The following USP45 variants were observed in gnomAD, a reference collection of about 807,000 sequenced individuals.
USP45 encodes ubiquitin carboxyl-terminal hydrolase 45.
Under a neutral mutation model 95.8 loss-of-function variants are expected in USP45, and 89 were observed. The observed-to-expected ratio is 0.93, with a 90% confidence interval of 0.78 to 1.11. The LOEUF (loss-of-function observed/expected upper bound fraction) is 1.11. Ranked by LOEUF, USP45 falls within the 50% of genes least tolerant of loss-of-function variation. The pLI is 0.00. For synonymous variants in USP45, 281 were observed against 316.2 expected, an observed-to-expected ratio of 0.89 and a Z score of 1.18; for missense variants, 898 against 942.5, an observed-to-expected ratio of 0.95 and a Z score of 0.62.
At chr6:99,496,573 G>C (rs1263421450) in intron 5 of USP45, among the ~76,000 whole-genome samples, 1 of 152,048 alleles carries the variant, frequency 6.6e-6, no homozygotes, top group Non-Finnish European at 1.5e-5. Flanking sequence ...TGAGCCAAAT[G>C]CATTGGTTTA....
rs1000898293 is a variant in USP45, at chr6:99,466,543, C to A, written c.1107+129G>T. The A allele has an allele frequency of 1.7e-5, 12 of 708,400 alleles. No homozygotes were observed. In the Admixed American group the frequency reaches 2.6e-4, roughly 15 times the overall value. The allele number at this position is 708,400 out of a possible 1,614,324, so 43.9% of individuals were successfully genotyped here. ...GGAGTGTAGCGTATAAAAAGACTTT[C>A]AAGAATCATTATGTAATCATCTGTC... is the stretch of plus-strand genomic sequence containing the variant. On this transcript the variant is annotated intron_variant, in intron 11 of 17. Coordinates refer to ENST00000500704, the MANE Select transcript of USP45 (RefSeq NM_001346022.3).
intron 3 of USP45, among the ~76,000 whole-genome samples, chr6:99,508,032 C>T (rs1433078986): frequency 6.6e-6 from 1 of 152,134 alleles, no homozygotes; most frequent in African/African-American, 2.4e-5. Context: ...AAGAGGAACA[C>T]AACCATGAGG....
intron 2 of USP45, 46 bp from the exon 3 acceptor site, chr6:99,508,828 A>C (rs758736540): frequency 4.5e-6 from 7 of 1,539,342 alleles, no homozygotes; most frequent in Non-Finnish European, 6.1e-6. Context: ...TGCTACACCA[A>C]AGTGCTACCA....
At chr6:99,445,645 T>G (rs1782389890) in intron 14 of USP45, 152 bp downstream of exon 14, 1 of 603,896 alleles carries the variant, frequency 1.7e-6, no homozygotes, top group Non-Finnish European at 2.7e-6. Context: ...TGCCCAGTAT[T>G]GTAAGCGCTC....
chr6:99,478,538 AAG>A (rs1196482745), intron 8 of USP45, among the ~76,000 whole-genome samples: 1 of 152,184 alleles, frequency 6.6e-6, no homozygotes, highest in African/African-American at 2.4e-5. Flanking sequence ...TGTCAAGAAA[AAG>A]AAATTTAATC....
At chr6:99,481,218 C>T (rs1463060227) in intron 8 of USP45, among the ~76,000 whole-genome samples, 1 of 152,156 alleles carries the variant, frequency 6.6e-6, no homozygotes, top group Non-Finnish European at 1.5e-5. Context: ...AAGTTATACA[C>T]ACATGTGCTA....
chr6:99,444,967 T>G (rs192773379), intron 14 of USP45, among the ~76,000 whole-genome samples: 18 of 152,292 alleles, frequency 1.2e-4, no homozygotes, highest in African/African-American at 3.6e-4. Context: ...AGAATCAGAG[T>G]ATTCTTTCCA....
chr6:99,507,624 G>T, intron 3 of USP45, 93 bp from the exon 4 acceptor site: 2 of 830,530 alleles, frequency 2.4e-6, no homozygotes, highest in Non-Finnish European at 3.7e-6. Context: ...ATACTGAAAA[G>T]TTTTGTTTTT....
intron 4 of USP45, among the ~76,000 whole-genome samples, chr6:99,504,066 C>T (rs1797981460): frequency 6.6e-6 from 1 of 152,156 alleles, no homozygotes; most frequent in Admixed American, 6.5e-5. Context: ...AAAGTTTTGG[C>T]AGTTTATCTT....
Position 99,439,867 on chromosome 6 carries a change from CAA to C in USP45, c.2074-14_2074-13del. The C allele has an allele frequency of 6.3e-7, 1 of 1,582,202 alleles. No homozygotes were observed. The highest frequency in any genetic ancestry group is 8.6e-7 in the Non-Finnish European group (1 of 1,166,426). ...AGACTCAAGCCAGCCTTAAAAAGACCAAAACATTTTTGAAATGCAACAATTAG... is the reference window on the plus strand; with the variant it reads ...AGACTCAAGCCAGCCTTAAAAAGACCAACATTTTTGAAATGCAACAATTAG... On this transcript the variant is annotated splice_polypyrimidine_tract_variant and intron_variant, in intron 15 of 17. Transcript: ENST00000500704.
At chr6:99,505,861 A>C (rs1284275945) in intron 4 of USP45, among the ~76,000 whole-genome samples, 4 of 152,188 alleles carry the variant, frequency 2.6e-5, no homozygotes. Context: ...GCAATCTGTC[A>C]TAACAAGATC....
At chr6:99,456,688 G>A (rs1340113073) in intron 13 of USP45, among the ~76,000 whole-genome samples, 1 of 152,182 alleles carries the variant, frequency 6.6e-6, no homozygotes, top group Non-Finnish European at 1.5e-5. Flanking sequence ...TGAGGAGGAT[G>A]TATGTTGCCT....
chr6:99,510,846 T>C (rs932811677), intron 1 of USP45, among the ~76,000 whole-genome samples: 3 of 152,184 alleles, frequency 2.0e-5, no homozygotes, highest in Admixed American at 6.5e-5. Context: ...AACTAAAGTT[T>C]TCATCAACGG....
chr6:99,507,986 A>T (rs1220898518), intron 3 of USP45, among the ~76,000 whole-genome samples: 1 of 152,232 alleles, frequency 6.6e-6, no homozygotes. Context: ...AAATCCGCTG[A>T]ATCTTTCCAG....
intron 13 of USP45, among the ~76,000 whole-genome samples, chr6:99,458,423 CAAG>C (rs1014270157): frequency 3.9e-5 from 6 of 152,158 alleles, no homozygotes; most frequent in African/African-American, 1.2e-4. Context: ...GACATAGTGG[CAAG>C]AAGGACAGAC....
intron 13 of USP45, among the ~76,000 whole-genome samples, chr6:99,463,447 A>C (rs1015587727): frequency 1.3e-5 from 2 of 152,210 alleles, no homozygotes; most frequent in African/African-American, 4.8e-5. Context: ...GTGACAGAGG[A>C]ATCTGTTAAC....
rs765751969 is a variant in USP45 at position 99,503,835 on chromosome 6, C to T, written c.408G>A (p.Thr136=). 33 of 1,592,370 alleles carry T rather than the reference C, an allele frequency of 2.1e-5. No homozygotes were observed. The highest frequency in any genetic ancestry group is 3.4e-4 in the Middle Eastern group (2 of 5,906). The change falls in exon 5 of 18, where the codon ACG becomes ACA. Residue 136 remains threonine (T), a synonymous_variant. Coordinates refer to ENST00000500704, the MANE Select transcript of USP45 (RefSeq NM_001346022.3). ...WCYECDEKLS[T]HCNKKVLAQI... is the part of the protein sequence containing the mutation. ...GAGCCAAAACCTTCTTATTACAATG[C>T]GTTGATAATTTTTCATCACATTCAT...
At chr6:99,515,636 C>G (rs930194938), upstream of USP45, 1 of 152,216 alleles carries the variant, frequency 6.6e-6, no homozygotes, top group Non-Finnish European at 1.5e-5. Context: ...TCATAGCCAC[C>G]GACTAGCAAT....
At chr6:99,459,313 A>G (rs1007390724) in intron 13 of USP45, among the ~76,000 whole-genome samples, 1 of 152,148 alleles carries the variant, frequency 6.6e-6, no homozygotes, top group Non-Finnish European at 1.5e-5. Flanking sequence ...AAAAGGCACA[A>G]TCTTATTCTT....
Sources: gnomAD v4.1 joint callset for allele counts (sites outside exome capture counted in the v4.1 genomes callset) on GRCh38, gnomAD v4.1.1 for gene constraint, MANE v1.5 for transcripts, NCBI Gene and HGNC (gene_info 2026-07-23, HGNC 2026-07-21) for gene names.